PLCZ1: variants seen among roughly 807,000 people sequenced by gnomAD.
PLCZ1 encodes the protein phospholipase C zeta 1, also known as 1-phosphatidylinositol 4,5-bisphosphate phosphodiesterase zeta-1.
Under a neutral mutation model 76.8 loss-of-function variants are expected in PLCZ1, and 64 were observed. That is an observed-to-expected ratio of 0.83 (90% CI 0.68 to 1.03). The LOEUF (loss-of-function observed/expected upper bound fraction) is 1.03, where lower values mean the gene tolerates loss of function less well. Among genes scored for constraint, PLCZ1 ranks in the 50% least tolerant of loss-of-function variants. The pLI is 0.00. For missense variants in PLCZ1, 751 were observed against 713.7 expected (o/e 1.05, Z -0.60); for synonymous variants, 248 against 230.8 (o/e 1.07, Z -0.68).
intron 9 of PLCZ1, among the ~76,000 whole-genome samples, chr12:18,700,219 A>G (rs988905201): frequency 3.3e-5 from 5 of 152,030 alleles, no homozygotes; most frequent in African/African-American, 1.2e-4. Flanking sequence ...TTTCCTAAAG[A>G]TCTCAGTGTA....
the PLCZ1 span, among the ~76,000 whole-genome samples, chr12:18,650,073 TC>T: frequency 2.6e-5 from 4 of 151,974 alleles, no homozygotes; most frequent in East Asian, 1.9e-4. Flanking sequence ...CCAGAATACC[TC>T]CCAGATTCCA....
At chr12:18,673,403 C>T in the PLCZ1 span, among the ~76,000 whole-genome samples, 4 of 151,776 alleles carry the variant, frequency 2.6e-5, no homozygotes, top group African/African-American at 9.7e-5. Flanking sequence ...ATATCATAAA[C>T]AGAGCCATTT....
chr12:18,705,241 A>G lies in PLCZ1; in HGVS notation c.789T>C (p.Asn263=). ...STAQQEVMAD[N]LQATFGESLL... is the part of the protein sequence containing the mutation. Reference sequence around the variant, plus strand: ...AGGACTCTCCAAAAGTAGCCTGCAAATTGTCTGCCATTACTTCTTGTTGGG... The same window carrying G: ...AGGACTCTCCAAAAGTAGCCTGCAAGTTGTCTGCCATTACTTCTTGTTGGG... The change falls in exon 7 of 15, where the codon AAT becomes AAC. Residue 263 remains asparagine (N), a synonymous_variant. Coordinates refer to ENST00000266505, the MANE Select transcript of PLCZ1 (RefSeq NM_033123.4). The G allele has an allele frequency of 6.2e-7, 1 of 1,614,076 alleles. No individual in the cohort carries two copies. The highest frequency in any genetic ancestry group is 8.5e-7 in the Non-Finnish European group (1 of 1,179,990).
chr12:18,653,633 A>C, the PLCZ1 span, among the ~76,000 whole-genome samples: 1 of 152,156 alleles, frequency 6.6e-6, no homozygotes, highest in Non-Finnish European at 1.5e-5. Flanking sequence ...GCACTGGAGG[A>C]GACAAAACCA....
At chr12:18,723,573 T>G in intron 3 of PLCZ1, 31 bp from the exon 4 acceptor site, 1 of 1,512,126 alleles carries the variant, frequency 6.6e-7, no homozygotes, top group Non-Finnish European at 9.2e-7. Context: ...GGGCTCACAT[T>G]GTGAGTATAA....
chr12:18,665,929 C>A, the PLCZ1 span, among the ~76,000 whole-genome samples: 4 of 121,434 alleles, frequency 3.3e-5, no homozygotes, highest in African/African-American at 5.4e-5. Context: ...AGATAGACTC[C>A]ATCTCAAAAA....
chr12:18,679,784 G>C (rs941652781), downstream of PLCZ1, among the ~76,000 whole-genome samples: 2 of 152,064 alleles, frequency 1.3e-5, no homozygotes, highest in Middle Eastern at 3.4e-3. Flanking sequence ...TGTACACATG[G>C]AAAGTAGAAA....
chr12:18,647,531 A>C, the PLCZ1 span, among the ~76,000 whole-genome samples: 48 of 152,130 alleles, frequency 3.2e-4, no homozygotes, highest in African/African-American at 1.1e-3. Flanking sequence ...ATTTTTATGA[A>C]TACATAATAG....
the PLCZ1 span, chr12:18,647,984 C>T: frequency 6.3e-7 from 1 of 1,596,464 alleles, no homozygotes; most frequent in South Asian, 1.1e-5. Flanking sequence ...TAGTGTCCCA[C>T]TCGATAAAGA....
At position 18,693,224 on chromosome 12, in the gene PLCZ1, G is replaced by A. The variant is rs115392910; in HGVS notation, c.1461+1686C>T. The A allele has an allele frequency of 9.6e-4, 1,499 of 1,567,684 alleles. 11 individuals carry two copies. In the African/African-American group the frequency reaches 0.015, roughly 16 times the overall value. The stretch of plus-strand genomic sequence containing the variant: ...AGGATCTTCTGGAACCTGGCTGCTC[G>A]GTCAGGCTCAACCACAAGGTGCATA... On this transcript the variant is annotated intron_variant, in intron 12 of 14. Coordinates refer to ENST00000266505, the MANE Select transcript of PLCZ1 (RefSeq NM_033123.4).
chr12:18,679,717 A>G (rs1952245455), downstream of PLCZ1, among the ~76,000 whole-genome samples: 1 of 152,050 alleles, frequency 6.6e-6, no homozygotes, highest in Non-Finnish European at 1.5e-5. Flanking sequence ...ACATTAGAAA[A>G]AAGACTGCCC....
intron 5 of PLCZ1, chr12:18,713,619 T>C (rs1306506754): frequency 1.3e-5 from 2 of 152,484 alleles, no homozygotes; most frequent in African/African-American, 4.8e-5. Flanking sequence ...CCATCTCTAA[T>C]TTTAATCCAA....
intron 3 of PLCZ1, among the ~76,000 whole-genome samples, chr12:18,733,021 T>G (rs1045660042): frequency 1.3e-5 from 2 of 152,176 alleles, no homozygotes; most frequent in Admixed American, 1.3e-4. Context: ...TTAATTTTTG[T>G]GGAACCTCCA....
chr12:18,712,954 A>G lies in PLCZ1; in HGVS notation c.602T>C (p.Ile201Thr), dbSNP rs746454182. 6.2e-7 allele frequency: 1 copy of G among 1,613,998 alleles called. No homozygotes were observed. Among genetic ancestry groups the G allele is most frequent in the South Asian group, 1.1e-5 (1 of 91,084 alleles). The change falls in exon 6 of 15, where the codon ATT becomes ACT. Residue 201 changes from isoleucine to threonine, a missense_variant. By Grantham distance (89) the Ile-to-Thr change is moderately conservative. Coordinates refer to ENST00000266505, the MANE Select transcript of PLCZ1 (RefSeq NM_033123.4). ...ALVKGCRCLEIDCWDGAQNEP... is the reference protein window; with the variant it reads ...ALVKGCRCLETDCWDGAQNEP... Reference sequence around the variant, plus strand: ...ATTTTGTGCTCCATCCCAGCAGTCAATCTCCAAACAACGGCATCCTTTCAC... The same window carrying G: ...ATTTTGTGCTCCATCCCAGCAGTCAGTCTCCAAACAACGGCATCCTTTCAC...
intron 3 of PLCZ1, among the ~76,000 whole-genome samples, chr12:18,726,617 G>C (rs1487064): frequency 0.46 from 69,434 of 151,968 alleles, 19,399 homozygotes; most frequent in East Asian, 0.68. Flanking sequence ...TTCAGAAACA[G>C]AATGAAGGCT....
chr12:18,686,762 T>C (rs1953215736), intron 13 of PLCZ1, among the ~76,000 whole-genome samples: 1 of 151,992 alleles, frequency 6.6e-6, no homozygotes, highest in Admixed American at 6.6e-5. Flanking sequence ...TATAGAAGAG[T>C]TCGTTGGTCC....
the PLCZ1 span, among the ~76,000 whole-genome samples, chr12:18,678,148 T>C: frequency 3.9e-5 from 6 of 152,204 alleles, no homozygotes; most frequent in South Asian, 1.2e-3. Flanking sequence ...CTCCTATTCA[T>C]TCAATTCTGT....
chr12:18,732,956 T>C (rs1248222277), intron 3 of PLCZ1, among the ~76,000 whole-genome samples: 1 of 152,216 alleles, frequency 6.6e-6, no homozygotes, highest in Non-Finnish European at 1.5e-5. Context: ...TGATTTCAAT[T>C]CCTTTAGGTA....
intron 3 of PLCZ1, among the ~76,000 whole-genome samples, chr12:18,732,372 G>A (rs1341961933): frequency 1.3e-5 from 2 of 152,052 alleles, no homozygotes; most frequent in South Asian, 2.1e-4. Context: ...GACTGGTCTC[G>A]AACTCGTGAG....
Sources: gnomAD v4.1 joint callset for allele counts (sites outside exome capture counted in the v4.1 genomes callset) on GRCh38, gnomAD v4.1.1 for gene constraint, MANE v1.5 for transcripts, NCBI Gene and HGNC (gene_info 2026-07-23, HGNC 2026-07-21) for gene names.